Variants in PIBF1 observed in about 807,000 individuals in gnomAD.
The protein encoded by PIBF1 is progesterone immunomodulatory binding factor 1.
A neutral mutation model predicts 112.5 loss-of-function variants in PIBF1; 90 were observed. That is an observed-to-expected ratio of 0.80 (90% CI 0.67 to 0.95). PIBF1 has a LOEUF of 0.95. Ranked by LOEUF, PIBF1 falls within the 40% of genes least tolerant of loss-of-function variation. PIBF1 has a pLI of 0.00. For missense variants in PIBF1, 915 were observed against 852.3 expected (o/e 1.07, Z -0.92); for synonymous variants, 301 against 288.6 (o/e 1.04, Z -0.44).
chr13:72,933,581 G>T lies in PIBF1; in HGVS notation c.1833+2314G>T, dbSNP rs139582266. Among the ~76,000 whole-genome samples, 1,321 of 152,338 alleles carry T rather than the reference G, an allele frequency of 8.7e-3. 66 individuals carry two copies. Among genetic ancestry groups the T allele is most frequent in the East Asian group, 9.6e-3 (50 of 5,182 alleles). On this transcript the variant is annotated intron_variant, in intron 14 of 17. Coordinates refer to ENST00000326291, the MANE Select transcript of PIBF1 (RefSeq NM_006346.4). ...GGAAGCTGAGGCACGAGAATCACTTGAGCCTGGGAGGCGGAGGTTGCAGTG... is the reference window on the plus strand; with the variant it reads ...GGAAGCTGAGGCACGAGAATCACTTTAGCCTGGGAGGCGGAGGTTGCAGTG...
intron 12 of PIBF1, 89 bp from the exon 13 acceptor site, chr13:72,916,987 T>G: frequency 1.3e-6 from 1 of 754,768 alleles, no homozygotes; most frequent in Non-Finnish European, 2.1e-6. Context: ...CCTCCCTAAT[T>G]TGTTATAACC....
chr13:72,953,744 C>T (rs1045374309), intron 14 of PIBF1, among the ~76,000 whole-genome samples: 10 of 152,150 alleles, frequency 6.6e-5, no homozygotes, highest in Admixed American at 3.9e-4. Flanking sequence ...CTGTGTTATT[C>T]TGCCTTCAGG....
At chr13:72,915,910 G>T (rs1337052466) in intron 12 of PIBF1, among the ~76,000 whole-genome samples, 1 of 152,174 alleles carries the variant, frequency 6.6e-6, no homozygotes, top group African/African-American at 2.4e-5. Context: ...TGTAAAATAT[G>T]TGGCTTTGTT....
At chr13:72,851,681 C>T (rs1380425554) in intron 9 of PIBF1, among the ~76,000 whole-genome samples, 1 of 152,238 alleles carries the variant, frequency 6.6e-6, no homozygotes, top group Non-Finnish European at 1.5e-5. Flanking sequence ...GGAGCTGCGC[C>T]ACCAGTTTCA....
intron 10 of PIBF1, among the ~76,000 whole-genome samples, chr13:72,890,712 A>G (rs1000151574): frequency 6.6e-6 from 1 of 152,192 alleles, no homozygotes; most frequent in Non-Finnish European, 1.5e-5. Flanking sequence ...GATTGAGAGT[A>G]CGAGATGAGA....
intron 16 of PIBF1, among the ~76,000 whole-genome samples, chr13:72,997,633 TG>T (rs1232346303): frequency 6.6e-6 from 1 of 152,198 alleles, no homozygotes; most frequent in East Asian, 1.9e-4. Flanking sequence ...GAGAAAGGCC[TG>T]TAGGAACTTG....
At chr13:72,909,571 C>T (rs1038428343) in intron 12 of PIBF1, among the ~76,000 whole-genome samples, 3 of 151,540 alleles carry the variant, frequency 2.0e-5, no homozygotes, top group African/African-American at 7.3e-5. Flanking sequence ...CTCAGCTCAC[C>T]TCAACCTCTG....
In PIBF1 at chr13:72,835,275, T is replaced by C. The variant is rs1207946120; in HGVS notation, c.1130T>C (p.Leu377Pro). 1.3e-6 allele frequency: 2 copies of C among 1,583,132 alleles called. No individual in the cohort carries two copies. The highest frequency in any genetic ancestry group is 1.7e-6 in the Non-Finnish European group (2 of 1,167,434). The change falls in exon 9 of 18, where the codon CTA (leucine) becomes CCA (proline). Residue 377 changes from leucine (L) to proline (P), a missense_variant. Physicochemically the swap from Leu to Pro is moderately conservative, Grantham distance 98 (BLOSUM62 -3). Transcript: ENST00000326291. The part of the protein sequence containing the change: ...DHYKTEYENK[L>P]HDELEQIRLK... ...TATAAAACAGAATATGAAAATAAAC[T>C]ACATGATGAACTAGAACAAATCAGA...
chr13:72,849,628 T>G (rs2038039027), intron 9 of PIBF1, among the ~76,000 whole-genome samples: 1 of 152,246 alleles, frequency 6.6e-6, no homozygotes, highest in African/African-American at 2.4e-5. Flanking sequence ...CTTTCAAGGC[T>G]TATTTTGATT....
rs1442875035 is a variant in PIBF1 at position 73,004,488 on chromosome 13, T to C, written c.2223+5493T>C. Among the ~76,000 whole-genome samples, 30 of 54,578 alleles carry C rather than the reference T, an allele frequency of 5.5e-4. No individual in the cohort carries two copies. The Middle Eastern group carries it at 0.028, about 51-fold the overall frequency. 35.8% of individuals were successfully genotyped at this position (54,578 alleles called of 152,430 possible). On this transcript the variant is annotated intron_variant, in intron 17 of 17. Transcript: ENST00000326291. ...CCTGTGTGAAGAGCGAGATTCTGTC[T>C]CAAAAAAAAAAAAAAAGAAAGAAAA...
rs2035013263 is a variant in PIBF1, at chr13:72,792,985, A to G, written c.353+438A>G. 2.0e-5 allele frequency among the ~76,000 whole-genome samples: 3 copies of G among 152,234 alleles called. No homozygotes were observed. The South Asian group carries it at 6.2e-4, about 31-fold the overall frequency. On this transcript the variant is annotated intron_variant, in intron 3 of 17. Coordinates refer to ENST00000326291, the MANE Select transcript of PIBF1 (RefSeq NM_006346.4). Reference sequence around the variant, plus strand: ...CTTATGTAACTTAATTAAAAATAATACAAACAATGAAATAAATTCTTTGGA... The same window carrying G: ...CTTATGTAACTTAATTAAAAATAATGCAAACAATGAAATAAATTCTTTGGA...
At chr13:72,852,718 C>G (rs1050944816) in intron 9 of PIBF1, among the ~76,000 whole-genome samples, 1 of 152,174 alleles carries the variant, frequency 6.6e-6, no homozygotes, top group Non-Finnish European at 1.5e-5. Context: ...CATTTCTATC[C>G]AATATTCAAT....
intron 14 of PIBF1, among the ~76,000 whole-genome samples, chr13:72,939,382 C>T (rs1566471574): frequency 1.3e-5 from 2 of 152,134 alleles, no homozygotes; most frequent in Non-Finnish European, 2.9e-5. Flanking sequence ...ACTTAATACC[C>T]ACTCCTCTTT....
chr13:73,004,718 T>C (rs9600057), intron 17 of PIBF1, among the ~76,000 whole-genome samples: 97,925 of 152,040 alleles, frequency 0.64, 33,028 homozygotes, highest in East Asian at 0.84. Context: ...TACCTAGTCA[T>C]ATTAATAGAG....
intron 9 of PIBF1, among the ~76,000 whole-genome samples, chr13:72,849,225 G>A (rs931583469): frequency 5.9e-5 from 9 of 152,146 alleles, no homozygotes; most frequent in South Asian, 2.1e-4. Flanking sequence ...GGAATCTAAC[G>A]TTAACTTTAT....
chr13:72,925,542 C>CTCTTT, intron 13 of PIBF1, among the ~76,000 whole-genome samples: 1 of 102,032 alleles, frequency 9.8e-6, no homozygotes, highest in Non-Finnish European at 1.9e-5. Flanking sequence ...CTTTCTCTCT[C>CTCTTT]TTTTTTTTTT....
intron 16 of PIBF1, among the ~76,000 whole-genome samples, chr13:72,997,699 G>T (rs1475030633): frequency 6.6e-6 from 1 of 152,156 alleles, no homozygotes; most frequent in Non-Finnish European, 1.5e-5. Context: ...GCAGAACATT[G>T]TTCTATCACC....
At chr13:72,846,314 A>T (rs962379946) in intron 9 of PIBF1, among the ~76,000 whole-genome samples, 1 of 152,136 alleles carries the variant, frequency 6.6e-6, no homozygotes, top group Non-Finnish European at 1.5e-5. Flanking sequence ...TTCATTAGCA[A>T]ATCCTTTTGG....
intron 16 of PIBF1, among the ~76,000 whole-genome samples, chr13:72,985,274 T>G (rs1170288078): frequency 1.4e-5 from 2 of 143,914 alleles, no homozygotes; most frequent in East Asian, 4.2e-4. Context: ...ACGCCTGTAA[T>G]CCCAACACTT....
Sources: allele counts gnomAD v4.1 joint callset (sites outside exome capture counted in the v4.1 genomes callset), GRCh38; gene constraint gnomAD v4.1.1; transcripts MANE v1.5; gene names NCBI Gene and HGNC (gene_info 2026-07-23, HGNC 2026-07-21).